The following SLC30A7 variants were observed in gnomAD, a reference collection of about 807,000 sequenced individuals.
SLC30A7 encodes solute carrier family 30 member 7, also known as zinc transporter 7.
Under a neutral mutation model 46.0 loss-of-function variants are expected in SLC30A7, and 35 were observed. That is an observed-to-expected ratio of 0.76 (90% CI 0.58 to 1.01). The LOEUF (loss-of-function observed/expected upper bound fraction) is 1.01, where lower values mean the gene tolerates loss of function less well. Ranked by LOEUF, SLC30A7 falls within the 50% of genes least tolerant of loss-of-function variation. The pLI is 0.00. For synonymous variants in SLC30A7, 147 were observed against 157.8 expected, an observed-to-expected ratio of 0.93 and a Z score of 0.51; for missense variants, 464 against 451.1, an observed-to-expected ratio of 1.03 and a Z score of -0.26.
chr1:100,932,563 A>G (rs1177809588), intron 8 of SLC30A7, among the ~76,000 whole-genome samples: 1 of 152,188 alleles, frequency 6.6e-6, no homozygotes, highest in Non-Finnish European at 1.5e-5. Context: ...TAATGATGGT[A>G]TATATGTGTA....
intron 7 of SLC30A7, among the ~76,000 whole-genome samples, chr1:100,921,292 C>T (rs185149669): frequency 1.2e-4 from 19 of 152,168 alleles, no homozygotes; most frequent in African/African-American, 4.6e-4. Context: ...CAGCAGAGGG[C>T]TCTGTATGTA....
chr1:100,958,398 G>T (rs919495425), intron 8 of SLC30A7, among the ~76,000 whole-genome samples: 1 of 152,080 alleles, frequency 6.6e-6, no homozygotes, highest in African/African-American at 2.4e-5. Context: ...GGATGGTCTC[G>T]ATCCCCTGAC....
intron 5 of SLC30A7, among the ~76,000 whole-genome samples, chr1:100,912,911 T>C (rs1245690385): frequency 6.6e-6 from 1 of 151,988 alleles, no homozygotes; most frequent in Non-Finnish European, 1.5e-5. Flanking sequence ...TTATGAAATG[T>C]ACTATGTAAA....
At chr1:100,967,152 G>A (rs964700952) in intron 10 of SLC30A7, among the ~76,000 whole-genome samples, 1 of 152,146 alleles carries the variant, frequency 6.6e-6, no homozygotes, top group African/African-American at 2.4e-5. Context: ...CTAGTTTGTT[G>A]GAAACATTTG....
intron 5 of SLC30A7, 24 bp from the exon 6 acceptor site, chr1:100,913,639 C>T (rs1227027520): frequency 2.6e-6 from 4 of 1,562,810 alleles, no homozygotes; most frequent in Non-Finnish European, 3.5e-6. Flanking sequence ...TACATACCTT[C>T]TGTCCTAACA....
At chr1:100,955,852 T>C (rs1655192865) in intron 8 of SLC30A7, among the ~76,000 whole-genome samples, 1 of 152,132 alleles carries the variant, frequency 6.6e-6, no homozygotes, top group Non-Finnish European at 1.5e-5. Flanking sequence ...TGTATCACCG[T>C]GTGATTTAGC....
chr1:100,912,549 C>T (rs1274819166), intron 5 of SLC30A7, among the ~76,000 whole-genome samples: 1 of 152,000 alleles, frequency 6.6e-6, no homozygotes, highest in Non-Finnish European at 1.5e-5. Context: ...GTGGGCTGGG[C>T]ACAGTGGCTT....
chr1:100,975,079 C>T lies in SLC30A7; in HGVS notation c.*222C>T. 2.6e-6 allele frequency: 1 copy of T among 383,734 alleles called. No homozygotes were observed. 23.8% of individuals were successfully genotyped at this position (383,734 alleles called of 1,614,324 possible). A position where few individuals can be genotyped will look rare whatever the true frequency, so the allele number is the denominator to read the frequency against. Reference sequence around the variant, plus strand: ...TGGACTTTTGGTCTTTTCTTTTGTGCTCTTTCCTCCAAATCTTTTTGACTT... The same window carrying T: ...TGGACTTTTGGTCTTTTCTTTTGTGTTCTTTCCTCCAAATCTTTTTGACTT... On this transcript the variant is annotated 3_prime_UTR_variant, in exon 11 of 11. Coordinates refer to ENST00000357650, the MANE Select transcript of SLC30A7 (RefSeq NM_133496.5).
intron 1 of SLC30A7, 43 bp from the exon 2 acceptor site, chr1:100,896,527 C>T: frequency 6.3e-7 from 1 of 1,578,802 alleles, no homozygotes; most frequent in South Asian, 1.1e-5. Context: ...GTCCCGGCAC[C>T]TCCTTAACTC....
intron 2 of SLC30A7, among the ~76,000 whole-genome samples, chr1:100,903,971 A>G (rs1374419598): frequency 1.3e-5 from 2 of 152,226 alleles, no homozygotes; most frequent in African/African-American, 4.8e-5. Flanking sequence ...TAATAATGTG[A>G]TTTATTAATA....
chr1:100,935,141 T>G (rs576073000), intron 8 of SLC30A7, among the ~76,000 whole-genome samples: 2 of 152,350 alleles, frequency 1.3e-5, no homozygotes, highest in East Asian at 3.9e-4. Flanking sequence ...AAATACCCTC[T>G]ATATAACCTA....
At chr1:100,947,700 T>C (rs547697156) in intron 8 of SLC30A7, among the ~76,000 whole-genome samples, 1 of 152,224 alleles carries the variant, frequency 6.6e-6, no homozygotes. Flanking sequence ...TGTAGGTCTC[T>C]AAGGACTTGC....
In SLC30A7 at chr1:100,916,704, C is replaced by CTT. The variant is rs33980397; in HGVS notation, c.656-1352_656-1351dup. Among the ~76,000 whole-genome samples the CTT allele has an allele frequency of 2.9e-3, 264 of 92,296 alleles. 2 individuals are homozygous for CTT. The highest frequency in any genetic ancestry group is 0.017 in the East Asian group (51 of 2,970). The allele number at this position is 92,296 out of a possible 152,430, so 60.5% of individuals were successfully genotyped here. A position where few individuals can be genotyped will look rare whatever the true frequency, so the allele number is the denominator to read the frequency against. ...AAATAGTAAATCTTATTCATTCATT[C>CTT]TTTTTTTTTTTTTTTTTTTTTTGTA... On this transcript the variant is annotated intron_variant, in intron 6 of 10. Coordinates refer to ENST00000357650, the MANE Select transcript of SLC30A7 (RefSeq NM_133496.5).
chr1:100,964,269 A>ATATAACC (rs1020027987), intron 9 of SLC30A7, among the ~76,000 whole-genome samples: 2 of 148,226 alleles, frequency 1.3e-5, no homozygotes, highest in Non-Finnish European at 3.0e-5. Flanking sequence ...AATATATGTT[A>ATATAACC]TATAACCTAT....
chr1:100,974,716 T>G, intron 10 of SLC30A7, 94 bp from the exon 11 acceptor site: 61 of 866,958 alleles, frequency 7.0e-5, no homozygotes, highest in Non-Finnish European at 9.5e-5. Flanking sequence ...TTTAAAAAAG[T>G]GAGATTTGTA....
At chr1:100,960,078 C>T (rs1230067798) in intron 8 of SLC30A7, among the ~76,000 whole-genome samples, 1 of 152,130 alleles carries the variant, frequency 6.6e-6, no homozygotes, top group African/African-American at 2.4e-5. Context: ...TCACTATTGA[C>T]TAAATAATAT....
chr1:100,990,358 C>A, the SLC30A7 span: 1 of 1,537,120 alleles, frequency 6.5e-7, no homozygotes. Context: ...CAAACCATAT[C>A]AATCCATATA....
Position 100,896,313 on chromosome 1 carries a change from TTTG to T in SLC30A7, c.54_56del (p.Leu18del). ...ATGAATACAAACCACCCAAGTTCAA[TTTG>T]TTCGGCAAGATCTCGGGCTGGTTTA... On this transcript the variant is annotated inframe_deletion, in exon 1 of 11. Coordinates refer to ENST00000357650, the MANE Select transcript of SLC30A7 (RefSeq NM_133496.5). 1 of 1,614,124 alleles carries T rather than the reference TTTG, an allele frequency of 6.2e-7. No homozygotes were observed. Among genetic ancestry groups the T allele is most frequent in the African/African-American group, 1.3e-5 (1 of 75,024 alleles).
chr1:100,913,845 A>G (rs1652296024), intron 6 of SLC30A7, 39 bp downstream of exon 6: 2 of 1,578,648 alleles, frequency 1.3e-6, no homozygotes, highest in African/African-American at 1.4e-5. Flanking sequence ...GCCTCCAAAT[A>G]AACAAGAGTT....
Sources: gnomAD v4.1 joint callset for allele counts (sites outside exome capture counted in the v4.1 genomes callset) on GRCh38, gnomAD v4.1.1 for gene constraint, MANE v1.5 for transcripts, NCBI Gene and HGNC (gene_info 2026-07-23, HGNC 2026-07-21) for gene names.